Variants in PEX14 observed in about 807,000 individuals in gnomAD.
PEX14 encodes peroxisomal biogenesis factor 14.
Under a neutral mutation model 49.5 loss-of-function variants are expected in PEX14, and 15 were observed. The observed-to-expected ratio is 0.30, with a 90% CI of 0.20 to 0.47. PEX14 has a LOEUF of 0.47. Ranked by LOEUF, PEX14 falls within the 20% of genes least tolerant of loss-of-function variation. PEX14 has a pLI of 1.00. For synonymous variants in PEX14, 210 were observed against 212.7 expected, an observed-to-expected ratio of 0.99 and a Z score of 0.11; for missense variants, 398 against 494.8, an observed-to-expected ratio of 0.80 and a Z score of 1.86.
intron 2 of PEX14, among the ~76,000 whole-genome samples, chr1:10,530,781 T>C (rs931156028): frequency 6.6e-6 from 1 of 152,228 alleles, no homozygotes; most frequent in Non-Finnish European, 1.5e-5. Flanking sequence ...CCTCTAGTTT[T>C]TGTTTATTCC....
In PEX14 at chr1:10,555,781, C is replaced by G. The variant is rs531892091; in HGVS notation, c.169+19484C>G. Among the ~76,000 whole-genome samples the G allele has an allele frequency of 7.9e-5, 12 of 152,226 alleles. No individual in the cohort carries two copies. In the East Asian group the frequency reaches 1.9e-3, roughly 24 times the overall value. On this transcript the variant is annotated intron_variant, in intron 3 of 8. Transcript: ENST00000356607. The stretch of plus-strand genomic sequence containing the variant: ...AAGAAGCACACAAGCTGCTGTTGCC[C>G]GTTCATTAGGTTTTCAGAAGAGTCC...
intron 1 of PEX14, among the ~76,000 whole-genome samples, chr1:10,483,505 C>T (rs1291027085): frequency 2.0e-5 from 3 of 151,854 alleles, no homozygotes; most frequent in African/African-American, 7.3e-5. Context: ...TCAGTAGAGA[C>T]GGGGTTTCAC....
chr1:10,557,493 G>A (rs1327600227), intron 3 of PEX14, among the ~76,000 whole-genome samples: 3 of 152,354 alleles, frequency 2.0e-5, no homozygotes, highest in Admixed American at 1.3e-4. Context: ...GGCTGAGGCA[G>A]AAGAATTGCT....
At position 10,541,381 on chromosome 1, in the gene PEX14, A is replaced by G. The variant is rs559352559; in HGVS notation, c.169+5084A>G. The stretch of plus-strand genomic sequence containing the variant: ...GAAGAAGGCAAAATGAGAAGAGTCC[A>G]CTGGCAGTGAGTCCCGGAGAGGCCC... On this transcript the variant is annotated intron_variant, in intron 3 of 8. Transcript: ENST00000356607. Among the ~76,000 whole-genome samples, 50 of 152,252 alleles carry G rather than the reference A, an allele frequency of 3.3e-4. 1 individual carries two copies. The highest frequency in any genetic ancestry group is 1.7e-3 in the Admixed American group (26 of 15,282).
intron 3 of PEX14, among the ~76,000 whole-genome samples, chr1:10,536,854 T>C (rs938195937): frequency 4.6e-5 from 7 of 152,176 alleles, no homozygotes; most frequent in Admixed American, 2.6e-4. Context: ...GAAGAGACAA[T>C]CTATTCTGGT....
chr1:10,562,981 G>A (rs367581226), intron 3 of PEX14, among the ~76,000 whole-genome samples: 3 of 148,234 alleles, frequency 2.0e-5, no homozygotes, highest in Non-Finnish European at 3.0e-5. Flanking sequence ...GCATGATCTC[G>A]GCTCACTGCA....
intron 3 of PEX14, 130 bp downstream of exon 3, chr1:10,536,427 G>A: frequency 1.4e-6 from 1 of 717,142 alleles, no homozygotes; most frequent in Non-Finnish European, 2.6e-6. Flanking sequence ...GGGGCAGTGG[G>A]GCTGAGGCGA....
At position 10,629,905 on chromosome 1, in the gene PEX14, G is replaced by A. The variant is rs960056444; in HGVS notation, c.1052G>A (p.Arg351Gln). The change falls in exon 9 of 9, where the codon CGG (arginine) becomes CAG (glutamine). Residue 351 changes from arginine (R) to glutamine (Q), a missense_variant. Physicochemically the swap from Arg to Gln is conservative, Grantham distance 43. Transcript: ENST00000356607. This position sits in a 1 kb window ranked among gnomAD's most constrained non-coding sequence, Gnocchi z 8.5. ...DCLGVQREDR[R>Q]GGDGQINEQV... ...CTGGGGGTGCAGAGGGAGGACCGCC[G>A]GGGCGGGGATGGGCAGATCAACGAG... The A allele has an allele frequency of 9.3e-6, 15 of 1,613,362 alleles. No individual in the cohort carries two copies. The highest frequency in any genetic ancestry group is 2.7e-5 in the African/African-American group (2 of 74,794).
At position 10,495,675 on chromosome 1, in the gene PEX14, G is replaced by C. The variant is rs1305673693; in HGVS notation, c.84+354G>C. 1.3e-5 allele frequency among the ~76,000 whole-genome samples: 2 copies of C among 152,200 alleles called. No individual in the cohort carries two copies. The highest frequency in any genetic ancestry group is 2.9e-5 in the Non-Finnish European group (2 of 68,030). ...AGATTGTTTGAAGTAGCCGCCCTCT[G>C]CTCTGCCCCTCAGGGTGCGAGCGCC... is the stretch of plus-strand genomic sequence containing the variant. On this transcript the variant is annotated intron_variant, in intron 2 of 8. Transcript: ENST00000356607. This position sits in a 1 kb window ranked among gnomAD's most constrained non-coding sequence, Gnocchi z 4.2.
chr1:10,598,263 G>A (rs1640883646), intron 3 of PEX14, among the ~76,000 whole-genome samples: 1 of 152,192 alleles, frequency 6.6e-6, no homozygotes, highest in Admixed American at 6.5e-5. Context: ...TGTACACACA[G>A]CTACTTCCTG....
intron 2 of PEX14, among the ~76,000 whole-genome samples, chr1:10,530,610 A>G (rs2124471889): frequency 6.6e-6 from 1 of 152,238 alleles, no homozygotes; most frequent in Middle Eastern, 3.4e-3. Context: ...TTGTCCTTGC[A>G]GAGGCGCGTA....
Position 10,624,367 on chromosome 1 carries a change from C to T in PEX14, c.515C>T (p.Ser172Phe), listed in dbSNP as rs1641684992. ...TVTQLQTTLA[S>F]VQELLIQQQQ... ...ACTCAGTTACAGACGACCCTCGCCTCCGTCCAGGAGCTGCTGATTCAGCAG... is the reference window on the plus strand; with the variant it reads ...ACTCAGTTACAGACGACCCTCGCCTTCGTCCAGGAGCTGCTGATTCAGCAG... The change falls in exon 7 of 9, where the codon TCC (serine) becomes TTC (phenylalanine). Residue 172 changes from serine to phenylalanine, a missense_variant. Coordinates refer to ENST00000356607, the MANE Select transcript of PEX14 (RefSeq NM_004565.3). The T allele has an allele frequency of 6.2e-7, 1 of 1,613,352 alleles. No homozygotes were observed. The highest frequency in any genetic ancestry group is 1.3e-5 in the African/African-American group (1 of 74,942).
At chr1:10,507,831 A>C (rs1285824892) in intron 2 of PEX14, among the ~76,000 whole-genome samples, 2 of 152,220 alleles carry the variant, frequency 1.3e-5, no homozygotes, top group Admixed American at 6.5e-5. Context: ...GTTTCTATCA[A>C]CATCCACAAA....
rs1326038426 is a variant in PEX14 at position 10,514,667 on chromosome 1, A to G, written c.84+19346A>G. On this transcript the variant is annotated intron_variant, in intron 2 of 8. Transcript: ENST00000356607. This position sits in a 1 kb window ranked among gnomAD's most constrained non-coding sequence, Gnocchi z 4.4. ...AGGGGTTATCTGCTGGGGAAACTGGATTTCAAAAGAAAGAAGTTTTTCTGC... is the reference window on the plus strand; with the variant it reads ...AGGGGTTATCTGCTGGGGAAACTGGGTTTCAAAAGAAAGAAGTTTTTCTGC... Among the ~76,000 whole-genome samples the G allele has an allele frequency of 6.6e-6, 1 of 152,104 alleles. No individual in the cohort carries two copies. Among genetic ancestry groups the G allele is most frequent in the Non-Finnish European group, 1.5e-5 (1 of 68,034 alleles).
chr1:10,549,043 A>C lies in PEX14; in HGVS notation c.169+12746A>C, dbSNP rs190134673. Among the ~76,000 whole-genome samples the C allele has an allele frequency of 3.3e-5, 5 of 152,210 alleles. No homozygotes were observed. The East Asian group carries it at 9.6e-4, about 29-fold the overall frequency. ...TTGTCTTTAGTAATACGGTGGTCTT[A>C]AATTTTGTGTGGATTTTCAGATTGT... On this transcript the variant is annotated intron_variant, in intron 3 of 8. Transcript: ENST00000356607.
At chr1:10,625,930 A>G (rs1177722453) in intron 7 of PEX14, among the ~76,000 whole-genome samples, 2 of 152,120 alleles carry the variant, frequency 1.3e-5, no homozygotes, top group South Asian at 2.1e-4. Context: ...CCCGAGCTGC[A>G]TGGGGCCACT....
At chr1:10,535,942 A>G in intron 2 of PEX14, 2 of 440,966 alleles carry the variant, frequency 4.5e-6, no homozygotes, top group East Asian at 9.4e-5. Context: ...GCTCGAATGG[A>G]GATCAGGAGG....
At chr1:10,501,145 A>T (rs955887184) in intron 2 of PEX14, among the ~76,000 whole-genome samples, 3 of 152,194 alleles carry the variant, frequency 2.0e-5, no homozygotes, top group African/African-American at 7.2e-5. Flanking sequence ...TTATTTAAAA[A>T]GTCTGTAGTG....
intron 3 of PEX14, among the ~76,000 whole-genome samples, chr1:10,583,739 A>G (rs1352341316): frequency 1.3e-5 from 2 of 152,144 alleles, no homozygotes; most frequent in Non-Finnish European, 2.9e-5. Flanking sequence ...AGGCCCCTCT[A>G]AGATAACATT....
Sources: allele counts gnomAD v4.1 joint callset (sites outside exome capture counted in the v4.1 genomes callset), GRCh38; gene constraint gnomAD v4.1.1; non-coding constraint Gnocchi (gnomAD v3.1); transcripts MANE v1.5; gene names NCBI Gene and HGNC (gene_info 2026-07-23, HGNC 2026-07-21).